Variants in ARL15 observed in about 807,000 individuals in gnomAD.
ARL15 encodes the protein ARF like GTPase 15.
Under a neutral mutation model 25.2 loss-of-function variants are expected in ARL15, and 19 were observed. The ratio of observed to expected loss-of-function variants is 0.75; its 90% CI spans 0.53 to 1.10. The LOEUF (loss-of-function observed/expected upper bound fraction) is 1.10, where lower values mean the gene tolerates loss of function less well. Ranked by LOEUF, ARL15 falls within the 50% of genes least tolerant of loss-of-function variation. ARL15 has a pLI of 0.00. For synonymous variants in ARL15, 94 were observed against 86.8 expected, an observed-to-expected ratio of 1.08 and a Z score of -0.46; for missense variants, 220 against 246.0, an observed-to-expected ratio of 0.89 and a Z score of 0.71.
chr5:54,163,718 A>C (rs145230904), intron 2 of ARL15, among the ~76,000 whole-genome samples: 1 of 151,740 alleles, frequency 6.6e-6, no homozygotes, highest in African/African-American at 2.4e-5. Flanking sequence ...TCCCTTATTA[A>C]CCTCTTACTA....
At chr5:54,033,211 G>A (rs998011969) in intron 4 of ARL15, among the ~76,000 whole-genome samples, 4 of 152,004 alleles carry the variant, frequency 2.6e-5, no homozygotes, top group Non-Finnish European at 5.9e-5. Flanking sequence ...TACTCGGGAG[G>A]CTGAGGCAGG....
intron 4 of ARL15, among the ~76,000 whole-genome samples, chr5:54,044,321 G>A (rs1190271048): frequency 1.4e-5 from 2 of 143,844 alleles, no homozygotes; most frequent in Non-Finnish European, 3.0e-5. Context: ...TTGGCTCACT[G>A]CAACCTCTAC....
intron 4 of ARL15, among the ~76,000 whole-genome samples, chr5:54,091,960 A>T (rs991293955): frequency 1.3e-5 from 2 of 151,864 alleles, no homozygotes; most frequent in African/African-American, 4.8e-5. Flanking sequence ...AAAATGAGAC[A>T]TCCCAAGTCA....
At chr5:54,070,188 C>G (rs1751375420) in intron 4 of ARL15, among the ~76,000 whole-genome samples, 1 of 151,284 alleles carries the variant, frequency 6.6e-6, no homozygotes, top group Non-Finnish European at 1.5e-5. Flanking sequence ...GTCAGGAGAT[C>G]AAGACCATCC....
rs187710182 is a variant in ARL15, at chr5:53,999,575, G to T, written c.463-112862C>A. 2.9e-3 allele frequency among the ~76,000 whole-genome samples: 443 copies of T among 150,818 alleles called. 1 individual carries two copies. The highest frequency in any genetic ancestry group is 4.8e-3 in the Non-Finnish European group (327 of 67,724). On this transcript the variant is annotated intron_variant, in intron 4 of 4. Coordinates refer to ENST00000504924, the MANE Select transcript of ARL15 (RefSeq NM_019087.3). Reference sequence around the variant, plus strand: ...CACTGCACTCCAACTTGTGCAACAAGAGTGAAACTTCATTTCAAAAAAATA... The same window carrying T: ...CACTGCACTCCAACTTGTGCAACAATAGTGAAACTTCATTTCAAAAAAATA...
intron 4 of ARL15, among the ~76,000 whole-genome samples, chr5:53,996,725 T>A (rs991576642): frequency 1.3e-5 from 2 of 151,988 alleles, no homozygotes; most frequent in African/African-American, 4.8e-5. Flanking sequence ...TAAAAATAGG[T>A]TTCTGAGGCT....
At chr5:54,258,531 C>T (rs1261064134) in intron 1 of ARL15, among the ~76,000 whole-genome samples, 1 of 152,174 alleles carries the variant, frequency 6.6e-6, no homozygotes, top group Non-Finnish European at 1.5e-5. Context: ...TCCACCTTCT[C>T]TTGAAAGGAA....
chr5:54,131,257 C>A (rs1178169607), intron 3 of ARL15, among the ~76,000 whole-genome samples: 2 of 152,072 alleles, frequency 1.3e-5, no homozygotes, highest in Non-Finnish European at 2.9e-5. Context: ...ATGATTTGAC[C>A]CAAATGACCT....
At chr5:54,099,700 C>T (rs1386675111) in intron 4 of ARL15, among the ~76,000 whole-genome samples, 1 of 152,094 alleles carries the variant, frequency 6.6e-6, no homozygotes, top group Non-Finnish European at 1.5e-5. Flanking sequence ...ACCCTCAAAA[C>T]AACCCTGTCA....
intron 1 of ARL15, among the ~76,000 whole-genome samples, chr5:54,240,002 C>A (rs1458656127): frequency 6.6e-6 from 1 of 151,972 alleles, no homozygotes; most frequent in Non-Finnish European, 1.5e-5. Context: ...CCGAGGCAGG[C>A]GGATCACGAG....
At chr5:54,000,455 C>T (rs1748815517) in intron 4 of ARL15, among the ~76,000 whole-genome samples, 1 of 152,106 alleles carries the variant, frequency 6.6e-6, no homozygotes. Context: ...CAAACAGCTA[C>T]CCTTCAGAAG....
intron 4 of ARL15, among the ~76,000 whole-genome samples, chr5:53,962,229 T>C (rs1747393900): frequency 6.6e-6 from 1 of 152,146 alleles, no homozygotes; most frequent in Admixed American, 6.5e-5. Flanking sequence ...CATAATACTT[T>C]TAATCAACAG....
At chr5:54,134,380 T>C (rs1753531879) in intron 3 of ARL15, among the ~76,000 whole-genome samples, 1 of 152,054 alleles carries the variant, frequency 6.6e-6, no homozygotes. Context: ...TTTAACTGAC[T>C]TACCCCCAAA....
chr5:54,039,800 TAAAAAAAAAAAAAA>T (rs35030165), intron 4 of ARL15, among the ~76,000 whole-genome samples: 3 of 52,546 alleles, frequency 5.7e-5, no homozygotes, highest in African/African-American at 1.5e-4. Context: ...AGACTCTGTC[TAAAAAAAAAAAAAA>T]AAAAAAAAAA....
chr5:53,985,282 T>A (rs1342111499), intron 4 of ARL15, among the ~76,000 whole-genome samples: 2 of 152,212 alleles, frequency 1.3e-5, no homozygotes, highest in African/African-American at 4.8e-5. Flanking sequence ...TGGGCTCAGA[T>A]TTTTTTAAAA....
At chr5:54,027,487 A>C (rs760180411) in intron 4 of ARL15, among the ~76,000 whole-genome samples, 21 of 152,358 alleles carry the variant, frequency 1.4e-4, no homozygotes, top group Non-Finnish European at 2.8e-4. Context: ...GGAATTAATT[A>C]TGTTAAGAGA....
At chr5:54,268,368 C>G (rs1483152712) in intron 1 of ARL15, among the ~76,000 whole-genome samples, 2 of 152,148 alleles carry the variant, frequency 1.3e-5, no homozygotes, top group Non-Finnish European at 2.9e-5. Context: ...ATACATTCGT[C>G]TAAATTTTTT....
intron 4 of ARL15, among the ~76,000 whole-genome samples, chr5:53,941,742 A>G (rs1415892136): frequency 6.6e-6 from 1 of 152,074 alleles, no homozygotes; most frequent in Non-Finnish European, 1.5e-5. Context: ...TTATGTGGTG[A>G]TTCTTCTTTG....
chr5:54,002,468 T>A (rs1748877561), intron 4 of ARL15, among the ~76,000 whole-genome samples: 1 of 152,118 alleles, frequency 6.6e-6, no homozygotes, highest in Non-Finnish European at 1.5e-5. Context: ...AAAGAAGAAG[T>A]TGTTGATGTT....
Sources: gnomAD v4.1 joint callset for allele counts (sites outside exome capture counted in the v4.1 genomes callset) on GRCh38, gnomAD v4.1.1 for gene constraint, MANE v1.5 for transcripts, NCBI Gene and HGNC (gene_info 2026-07-23, HGNC 2026-07-21) for gene names.